The following PTGFRN variants were observed in gnomAD, a reference collection of about 807,000 sequenced individuals.
PTGFRN encodes prostaglandin F2 receptor inhibitor.
In PTGFRN, 35 loss-of-function variants were observed where a neutral mutation model predicts 83.2. The ratio of observed to expected loss-of-function variants is 0.42; its 90% confidence interval spans 0.32 to 0.56. The LOEUF is 0.56. PTGFRN is among the 20% of genes least tolerant of loss of function. The probability of loss-of-function intolerance (pLI) is 0.11; values close to 1 mark genes in which losing one functional copy is unlikely to be tolerated. For missense variants in PTGFRN, 1,051 were observed against 1,179.5 expected (o/e 0.89, Z 1.60); for synonymous variants, 519 against 498.6 (o/e 1.04, Z -0.55).
At position 116,987,065 on chromosome 1, in the gene PTGFRN, C is replaced by T; in HGVS notation, c.*98C>T. 7.1e-7 allele frequency: 1 copy of T among 1,418,028 alleles called. No homozygotes were observed. The highest frequency in any genetic ancestry group is 1.4e-5 in the African/African-American group (1 of 70,884). 87.8% of individuals were successfully genotyped at this position (1,418,028 alleles called of 1,614,324 possible). A position where few individuals can be genotyped will look rare whatever the true frequency, so the allele number is the denominator to read the frequency against. On this transcript the variant is annotated 3_prime_UTR_variant, in exon 9 of 9. Coordinates refer to ENST00000393203, the MANE Select transcript of PTGFRN (RefSeq NM_020440.4). ...AAAACAAAGTGTGTTACACTAAAAA[C>T]CAGTCCTCTCTAATCTCAGGTGGGA...
At chr1:116,932,023 G>A (rs1486052265) in intron 1 of PTGFRN, among the ~76,000 whole-genome samples, 5 of 152,208 alleles carry the variant, frequency 3.3e-5, no homozygotes, top group Admixed American at 1.3e-4. Context: ...AAGTCAGATT[G>A]TTTGCTTCTA....
At chr1:116,955,608 A>G (rs1023743758) in intron 4 of PTGFRN, among the ~76,000 whole-genome samples, 2 of 152,210 alleles carry the variant, frequency 1.3e-5, no homozygotes, top group Non-Finnish European at 2.9e-5. Context: ...CCACCATTGC[A>G]TTCTTAGCTG....
chr1:116,922,715 T>A (rs1460807882), intron 1 of PTGFRN, among the ~76,000 whole-genome samples: 1 of 152,192 alleles, frequency 6.6e-6, no homozygotes, highest in Admixed American at 6.5e-5. Flanking sequence ...TGAGGCAAGC[T>A]CTGCTTTCTG....
At chr1:116,949,620 C>T in intron 4 of PTGFRN, 48 bp downstream of exon 4, 1 of 1,558,564 alleles carries the variant, frequency 6.4e-7, no homozygotes, top group Non-Finnish European at 8.7e-7. Flanking sequence ...TTAACCCCTC[C>T]TCGGAGTTAT....
chr1:116,922,580 C>T (rs1455534621), intron 1 of PTGFRN, among the ~76,000 whole-genome samples: 1 of 152,194 alleles, frequency 6.6e-6, no homozygotes, highest in East Asian at 1.9e-4. Flanking sequence ...AGCAAGGTGG[C>T]ATATGCTGCC....
intron 2 of PTGFRN, among the ~76,000 whole-genome samples, chr1:116,942,901 C>A (rs1650095672): frequency 6.6e-6 from 1 of 152,196 alleles, no homozygotes; most frequent in Non-Finnish European, 1.5e-5. Flanking sequence ...AATGGAAGAG[C>A]ATAGGTTAAT....
chr1:116,936,927 A>G (rs376164386), intron 1 of PTGFRN, among the ~76,000 whole-genome samples: 12 of 152,360 alleles, frequency 7.9e-5, no homozygotes, highest in South Asian at 4.1e-4. Context: ...GAAAAAAGAA[A>G]AAGAAAACAA....
intron 3 of PTGFRN, among the ~76,000 whole-genome samples, chr1:116,945,877 A>G (rs56985664): frequency 0.027 from 4,173 of 152,244 alleles, 138 homozygotes; most frequent in African/African-American, 0.082. Flanking sequence ...GCCAGCATCA[A>G]TGGAGGACCT....
Position 116,941,594 on chromosome 1 carries a change from A to G in PTGFRN, c.50-121A>G, listed in dbSNP as rs540449005. ...CCTTCTGCATAGATACATTTTCCCT[A>G]GTAGTTTGGCTGTCACGTTTCTGCC... On this transcript the variant is annotated intron_variant, in intron 1 of 8. Coordinates refer to ENST00000393203, the MANE Select transcript of PTGFRN (RefSeq NM_020440.4). The surrounding 1 kb of genome is among the most constrained non-coding windows in gnomAD (Gnocchi z 5.0). 6.1e-5 allele frequency: 80 copies of G among 1,317,942 alleles called. No individual in the cohort carries two copies. The South Asian group carries it at 1.0e-3, about 17-fold the overall frequency. The allele number at this position is 1,317,942 out of a possible 1,614,324, so 81.6% of individuals were successfully genotyped here.
intron 5 of PTGFRN, among the ~76,000 whole-genome samples, chr1:116,964,475 T>C (rs1650768831): frequency 6.6e-6 from 1 of 152,198 alleles, no homozygotes. Flanking sequence ...TGTTCATTTT[T>C]TGGACCCGGA....
chr1:116,920,631 T>C (rs1334834694), intron 1 of PTGFRN, among the ~76,000 whole-genome samples: 2 of 152,142 alleles, frequency 1.3e-5, no homozygotes, highest in African/African-American at 4.8e-5. Flanking sequence ...TTGAAATACT[T>C]TTGTTTTTTT....
chr1:116,970,219 T>C (rs1000610310), intron 6 of PTGFRN, among the ~76,000 whole-genome samples: 3 of 152,332 alleles, frequency 2.0e-5, no homozygotes, highest in South Asian at 2.1e-4. Context: ...TTAACTATCA[T>C]GTTCACTGTG....
At chr1:116,964,927 T>C (rs1322304421) in intron 5 of PTGFRN, among the ~76,000 whole-genome samples, 1 of 152,260 alleles carries the variant, frequency 6.6e-6, no homozygotes, top group Non-Finnish European at 1.5e-5. Flanking sequence ...CTCCTTGCTC[T>C]GCCCTAGCAC....
At chr1:116,913,130 C>T (rs1313146616) in intron 1 of PTGFRN, among the ~76,000 whole-genome samples, 1 of 152,140 alleles carries the variant, frequency 6.6e-6, no homozygotes, top group Non-Finnish European at 1.5e-5. Flanking sequence ...TGTGAGTAGA[C>T]AGAGAATAAA....
At chr1:116,975,475 A>G (rs1009938468) in intron 7 of PTGFRN, among the ~76,000 whole-genome samples, 1 of 152,196 alleles carries the variant, frequency 6.6e-6, no homozygotes. Flanking sequence ...GGAACCCCCC[A>G]GTAGGGGCAG....
At chr1:116,911,687 G>C (rs1570639695) in intron 1 of PTGFRN, among the ~76,000 whole-genome samples, 1 of 152,270 alleles carries the variant, frequency 6.6e-6, no homozygotes, top group East Asian at 1.9e-4. Flanking sequence ...CTTTCACCCA[G>C]TCTGGAGTGC....
intron 1 of PTGFRN, among the ~76,000 whole-genome samples, chr1:116,926,545 C>G (rs960714061): frequency 6.6e-6 from 1 of 152,190 alleles, no homozygotes; most frequent in Admixed American, 6.5e-5. Flanking sequence ...CAGATTGCCT[C>G]TAAGTGGTTT....
chr1:116,946,328 G>A (rs980904847), intron 3 of PTGFRN, among the ~76,000 whole-genome samples: 49 of 152,196 alleles, frequency 3.2e-4, no homozygotes, highest in African/African-American at 1.2e-3. Flanking sequence ...AGGTTCTTGA[G>A]TGACTATGGC....
Position 116,974,239 on chromosome 1 carries a change from C to T in PTGFRN, c.2083C>T (p.His695Tyr), listed in dbSNP as rs1212945159. Residue 695 changes from histidine (H) to tyrosine (Y), a missense_variant, in exon 7 of 9, where the codon CAT becomes TAT. This residue lies in a region of PTGFRN where 719 missense variants were observed against 836.6 expected (regional missense o/e 0.86). Transcript: ENST00000393203. Reference sequence around the variant, plus strand: ...AGGTCCTATATTTAATGCTTCTGTGCATTCAGACACACCATCAGTAATTCG... The same window carrying T: ...AGGTCCTATATTTAATGCTTCTGTGTATTCAGACACACCATCAGTAATTCG... The part of the protein sequence containing the change: ...TSGPIFNASV[H>Y]SDTPSVIRGD... 1 of 1,610,776 alleles carries T rather than the reference C, an allele frequency of 6.2e-7. No homozygotes were observed. The highest frequency in any genetic ancestry group is 8.5e-7 in the Non-Finnish European group (1 of 1,177,154).
Sources: gnomAD v4.1 joint callset for allele counts (sites outside exome capture counted in the v4.1 genomes callset) on GRCh38, gnomAD v4.1.1 for gene constraint, gnomAD v4.1.1 regional missense constraint, Gnocchi (gnomAD v3.1) non-coding constraint, MANE v1.5 for transcripts, NCBI Gene and HGNC (gene_info 2026-07-23, HGNC 2026-07-21) for gene names.